ZCCHC7: variants seen among roughly 807,000 people sequenced by gnomAD.
ZCCHC7 encodes zinc finger CCHC-type containing 7.
ZCCHC7 carries 35 observed loss-of-function variants against 52.0 expected under a neutral mutation model. That is an observed-to-expected ratio of 0.67 (90% CI 0.51 to 0.89). The LOEUF (loss-of-function observed/expected upper bound fraction) is 0.89. Among genes scored for constraint, ZCCHC7 ranks in the 40% least tolerant of loss-of-function variants. The probability of loss-of-function intolerance (pLI) is 0.00; values close to 1 mark genes in which losing one functional copy is unlikely to be tolerated. For synonymous variants in ZCCHC7, 217 were observed against 221.5 expected (o/e 0.98, Z 0.18); for missense variants, 574 against 649.1 (o/e 0.88, Z 1.26).
chr9:37,273,403 C>G (rs556367215), intron 2 of ZCCHC7, among the ~76,000 whole-genome samples: 1 of 151,892 alleles, frequency 6.6e-6, no homozygotes. Context: ...CTCAGGAGGC[C>G]GAGGCAGGAG....
chr9:37,146,872 A>G (rs527917228), intron 2 of ZCCHC7, among the ~76,000 whole-genome samples: 1 of 152,014 alleles, frequency 6.6e-6, no homozygotes, highest in East Asian at 1.9e-4. Flanking sequence ...AATTTAAATA[A>G]TTTAAAATTT....
At chr9:37,288,994 T>G (rs1054558161) in intron 2 of ZCCHC7, among the ~76,000 whole-genome samples, 2 of 152,158 alleles carry the variant, frequency 1.3e-5, no homozygotes, top group Non-Finnish European at 2.9e-5. Context: ...ACATCTTCAT[T>G]TGAATATTTT....
chr9:37,182,933 C>G (rs1346491481), intron 2 of ZCCHC7, among the ~76,000 whole-genome samples: 1 of 152,180 alleles, frequency 6.6e-6, no homozygotes, highest in African/African-American at 2.4e-5. Context: ...CTGTAGTGTG[C>G]TATGATTGTA....
At chr9:37,172,993 A>G (rs531761789) in intron 2 of ZCCHC7, among the ~76,000 whole-genome samples, 6 of 151,568 alleles carry the variant, frequency 4.0e-5, no homozygotes, top group Admixed American at 2.0e-4. Context: ...TGAGTGAGCA[A>G]CGTGGGCATT....
chr9:37,264,487 T>C (rs531943456), intron 2 of ZCCHC7, among the ~76,000 whole-genome samples: 4 of 152,238 alleles, frequency 2.6e-5, no homozygotes, highest in Non-Finnish European at 5.9e-5. Context: ...CAGAGAATTG[T>C]GTAACTTTTA....
chr9:37,275,868 C>T (rs889203574), intron 2 of ZCCHC7, among the ~76,000 whole-genome samples: 2 of 152,170 alleles, frequency 1.3e-5, no homozygotes, highest in Non-Finnish European at 2.9e-5. Context: ...CAAAGCTGGT[C>T]TTGAACTCCT....
intron 2 of ZCCHC7, among the ~76,000 whole-genome samples, chr9:37,141,107 G>A (rs1843203931): frequency 6.6e-6 from 1 of 151,848 alleles, no homozygotes; most frequent in South Asian, 2.1e-4. Context: ...TGCAACCTCA[G>A]CAGTCCCTTT....
intron 2 of ZCCHC7, among the ~76,000 whole-genome samples, chr9:37,259,681 A>G (rs4304407): frequency 0.14 from 21,624 of 152,168 alleles, 1,769 homozygotes; most frequent in Non-Finnish European, 0.17. Context: ...AGTTCTGTGT[A>G]TAGATTTAAT....
chr9:37,277,405 G>C (rs1208679406), intron 2 of ZCCHC7, among the ~76,000 whole-genome samples: 1 of 152,118 alleles, frequency 6.6e-6, no homozygotes, highest in Non-Finnish European at 1.5e-5. Flanking sequence ...ATTTAGGGCT[G>C]TTCAGACAGG....
chr9:37,163,630 T>G (rs1821242216), intron 2 of ZCCHC7, among the ~76,000 whole-genome samples: 1 of 152,192 alleles, frequency 6.6e-6, no homozygotes, highest in Non-Finnish European at 1.5e-5. Flanking sequence ...CAGTCTTTGC[T>G]TTGGCTTTGT....
At chr9:37,288,254 T>G (rs1828350879) in intron 2 of ZCCHC7, among the ~76,000 whole-genome samples, 1 of 150,400 alleles carries the variant, frequency 6.6e-6, no homozygotes, top group African/African-American at 2.5e-5. Flanking sequence ...CACTCCAGCC[T>G]GGGTGACATT....
chr9:37,124,368 T>C lies in ZCCHC7; in HGVS notation c.-21-1944T>C, dbSNP rs182349016. Among the ~76,000 whole-genome samples, 628 of 151,812 alleles carry C rather than the reference T, an allele frequency of 4.1e-3. 11 individuals are homozygous for C. The highest frequency in any genetic ancestry group is 2.9e-3 in the Non-Finnish European group (195 of 67,956). On this transcript the variant is annotated intron_variant, in intron 1 of 8. Coordinates refer to ENST00000336755, the MANE Select transcript of ZCCHC7 (RefSeq NM_032226.3). ...AACAGAGAAATTCATCTCATAATTTTTGTATTTTAAGCACATACTAGATTT... is the reference window on the plus strand; with the variant it reads ...AACAGAGAAATTCATCTCATAATTTCTGTATTTTAAGCACATACTAGATTT...
In ZCCHC7 at chr9:37,133,970, G is replaced by A. The variant is rs1251745812; in HGVS notation, c.610+7028G>A. Among the ~76,000 whole-genome samples, 5 of 151,960 alleles carry A rather than the reference G, an allele frequency of 3.3e-5. No homozygotes were observed. In the East Asian group the frequency reaches 5.8e-4, roughly 18 times the overall value. On this transcript the variant is annotated intron_variant, in intron 2 of 8. Coordinates refer to ENST00000336755, the MANE Select transcript of ZCCHC7 (RefSeq NM_032226.3). ...AACTCCTGGCCTCAAGTGATCCACC[G>A]GCCTTGGCCTCCCAAAGTGGTAGGA...
intron 2 of ZCCHC7, among the ~76,000 whole-genome samples, chr9:37,247,055 T>C (rs1337680011): frequency 6.6e-6 from 1 of 152,188 alleles, no homozygotes; most frequent in African/African-American, 2.4e-5. Flanking sequence ...ACTGAAATTT[T>C]GTTATCTTTG....
At chr9:37,131,624 G>A (rs148016398) in intron 2 of ZCCHC7, among the ~76,000 whole-genome samples, 4 of 152,286 alleles carry the variant, frequency 2.6e-5, no homozygotes, top group African/African-American at 9.6e-5. Context: ...AAGCCTAGGC[G>A]ACAGAGTGAG....
intron 2 of ZCCHC7, among the ~76,000 whole-genome samples, chr9:37,296,739 C>T (rs184729008): frequency 1.8e-3 from 272 of 152,304 alleles, no homozygotes; most frequent in African/African-American, 5.9e-3. Context: ...CATGCGCTGT[C>T]ATCCAGGCTG....
intron 2 of ZCCHC7, among the ~76,000 whole-genome samples, chr9:37,185,392 T>A (rs1235936895): frequency 6.6e-6 from 1 of 152,224 alleles, no homozygotes; most frequent in African/African-American, 2.4e-5. Flanking sequence ...TTTAAATAAA[T>A]AAGATGATGT....
At chr9:37,169,804 G>T (rs751771248) in intron 2 of ZCCHC7, among the ~76,000 whole-genome samples, 1 of 152,062 alleles carries the variant, frequency 6.6e-6, no homozygotes, top group African/African-American at 2.4e-5. Context: ...ACTTATGCCT[G>T]CAGTCCCACC....
intron 2 of ZCCHC7, among the ~76,000 whole-genome samples, chr9:37,140,749 G>A (rs150679391): frequency 5.7e-4 from 87 of 152,026 alleles, no homozygotes; most frequent in Admixed American, 1.2e-3. Context: ...TTATGTACCC[G>A]GTAGTCAGAG....
Sources: allele counts gnomAD v4.1 joint callset (sites outside exome capture counted in the v4.1 genomes callset), GRCh38; gene constraint gnomAD v4.1.1; transcripts MANE v1.5; gene names NCBI Gene and HGNC (gene_info 2026-07-23, HGNC 2026-07-21).